Variants in AHCYL2 observed in about 807,000 individuals in gnomAD.
AHCYL2 encodes the protein adenosylhomocysteinase like 2, also known as S-adenosylhomocysteine hydrolase-like protein 2.
A neutral mutation model predicts 81.4 loss-of-function variants in AHCYL2; 28 were observed. The ratio of observed to expected loss-of-function variants is 0.34; its 90% CI spans 0.25 to 0.47. The LOEUF is 0.47. Among genes scored for constraint, AHCYL2 ranks in the 20% least tolerant of loss-of-function variants. The pLI, the probability that AHCYL2 is intolerant of heterozygous loss-of-function variation, is 1.00. For synonymous variants in AHCYL2, 272 were observed against 290.2 expected, an observed-to-expected ratio of 0.94 and a Z score of 0.64; for missense variants, 551 against 785.1, an observed-to-expected ratio of 0.70 and a Z score of 3.56.
chr7:129,286,311 C>T (rs772883368), intron 1 of AHCYL2, among the ~76,000 whole-genome samples: 5 of 151,928 alleles, frequency 3.3e-5, no homozygotes, highest in East Asian at 1.9e-4. Context: ...AGTGCAGTGG[C>T]GCAATCTCAG....
intron 1 of AHCYL2, among the ~76,000 whole-genome samples, chr7:129,299,367 T>C (rs1282356662): frequency 7.1e-5 from 7 of 98,060 alleles, no homozygotes; most frequent in Non-Finnish European, 1.4e-4. Flanking sequence ...AGAGTCCAAC[T>C]TGTTTTTTTT....
chr7:129,330,965 G>T (rs1415796661), intron 1 of AHCYL2, among the ~76,000 whole-genome samples: 2 of 151,958 alleles, frequency 1.3e-5, no homozygotes, highest in African/African-American at 2.4e-5. Context: ...GACTGAAAAG[G>T]TACTGTAAGA....
intron 1 of AHCYL2, among the ~76,000 whole-genome samples, chr7:129,297,964 G>A (rs1040160848): frequency 5.3e-5 from 8 of 152,196 alleles, no homozygotes; most frequent in Admixed American, 3.3e-4. Context: ...GGGAGGTTGA[G>A]GCTGCAGTGA....
chr7:129,335,783 A>G (rs1173186757), intron 1 of AHCYL2, among the ~76,000 whole-genome samples: 1 of 152,158 alleles, frequency 6.6e-6, no homozygotes, highest in East Asian at 1.9e-4. Flanking sequence ...CCCAAAGAAG[A>G]CCAGACAGAA....
intron 2 of AHCYL2, among the ~76,000 whole-genome samples, chr7:129,386,196 C>T (rs1386985202): frequency 6.6e-6 from 1 of 152,082 alleles, no homozygotes; most frequent in Non-Finnish European, 1.5e-5. Context: ...GGCATGGTGG[C>T]TCAAGCCTGT....
chr7:129,338,945 T>C (rs1419858419), intron 1 of AHCYL2, among the ~76,000 whole-genome samples: 1 of 152,218 alleles, frequency 6.6e-6, no homozygotes, highest in Admixed American at 6.5e-5. Flanking sequence ...CTTTCAAATT[T>C]CTGCACATCC....
At chr7:129,306,852 C>T (rs1415702235) in intron 1 of AHCYL2, among the ~76,000 whole-genome samples, 5 of 152,184 alleles carry the variant, frequency 3.3e-5, no homozygotes, top group South Asian at 2.1e-4. Flanking sequence ...CATACAGACT[C>T]GTAGAGGTAT....
chr7:129,267,230 GGTGTGTGT>G (rs769745702), intron 1 of AHCYL2, among the ~76,000 whole-genome samples: 3 of 59,158 alleles, frequency 5.1e-5, no homozygotes, highest in African/African-American at 4.3e-5. Flanking sequence ...TCACTCAAGG[GGTGTGTGT>G]GTGTGTGTGT....
chr7:129,258,164 C>T (rs1257287325), intron 1 of AHCYL2, among the ~76,000 whole-genome samples: 2 of 150,404 alleles, frequency 1.3e-5, no homozygotes, highest in Non-Finnish European at 2.9e-5. Flanking sequence ...TTTCTGGTAA[C>T]GAATTACCAT....
At chr7:129,404,105 C>T (rs1350502402) in intron 7 of AHCYL2, among the ~76,000 whole-genome samples, 1 of 151,640 alleles carries the variant, frequency 6.6e-6, no homozygotes, top group East Asian at 1.9e-4. Flanking sequence ...TTTTTGGACA[C>T]ATATATTCAT....
rs556193868 is a variant in AHCYL2, at chr7:129,293,206, C to A, written c.363+67767C>A. On this transcript the variant is annotated intron_variant, in intron 1 of 16. Transcript: ENST00000325006. The stretch of plus-strand genomic sequence containing the variant: ...TTGAGAAACTCATTTGTAATGGTTG[C>A]GGAAAAGGAATTTTTAAAAAAGGAA... 7.9e-5 allele frequency among the ~76,000 whole-genome samples: 12 copies of A among 151,456 alleles called. 1 individual carries two copies. In the South Asian group the frequency reaches 2.5e-3, roughly 32 times the overall value.
chr7:129,424,775 G>A, intron 13 of AHCYL2, 99 bp from the exon 14 acceptor site: 5 of 1,245,852 alleles, frequency 4.0e-6, no homozygotes, highest in Admixed American at 1.7e-5. Flanking sequence ...TGTTAGTCAG[G>A]AAGTGTTTGG....
intron 1 of AHCYL2, among the ~76,000 whole-genome samples, chr7:129,324,547 G>A (rs923047850): frequency 1.3e-5 from 2 of 152,038 alleles, no homozygotes; most frequent in Non-Finnish European, 2.9e-5. Context: ...ATGGAGTCTT[G>A]CTCTGTCACC....
chr7:129,355,638 G>C (rs1454721608), intron 1 of AHCYL2, among the ~76,000 whole-genome samples: 1 of 152,096 alleles, frequency 6.6e-6, no homozygotes, highest in Non-Finnish European at 1.5e-5. Flanking sequence ...ACAGACATTA[G>C]CTCATTCATC....
intron 1 of AHCYL2, among the ~76,000 whole-genome samples, chr7:129,274,269 C>T (rs1032922885): frequency 2.6e-5 from 4 of 152,132 alleles, no homozygotes; most frequent in African/African-American, 9.7e-5. Context: ...TAATTTGTTT[C>T]TTTAATTCAG....
intron 1 of AHCYL2, among the ~76,000 whole-genome samples, chr7:129,321,334 T>C (rs1009715476): frequency 6.6e-6 from 1 of 152,222 alleles, no homozygotes; most frequent in Non-Finnish European, 1.5e-5. Context: ...AAAAGCGTTC[T>C]GTTCTAGTCT....
At chr7:129,399,141 CAAAA>C (rs71162600) in intron 5 of AHCYL2, among the ~76,000 whole-genome samples, 98 of 44,946 alleles carry the variant, frequency 2.2e-3, no homozygotes, top group African/African-American at 9.8e-3. Flanking sequence ...GACTCCATCT[CAAAA>C]AAAAAAAAAA....
At chr7:129,363,289 G>A (rs1399256355) in intron 1 of AHCYL2, among the ~76,000 whole-genome samples, 4 of 152,098 alleles carry the variant, frequency 2.6e-5, no homozygotes, top group African/African-American at 9.7e-5. Context: ...TGGTAAAGTG[G>A]AATTATATTG....
intron 1 of AHCYL2, among the ~76,000 whole-genome samples, chr7:129,229,832 C>G (rs1048610243): frequency 6.6e-6 from 1 of 152,192 alleles, no homozygotes; most frequent in Non-Finnish European, 1.5e-5. Context: ...GATGCAGCTT[C>G]ACACTGGTAA....
Sources: allele counts gnomAD v4.1 joint callset (sites outside exome capture counted in the v4.1 genomes callset), GRCh38; gene constraint gnomAD v4.1.1; transcripts MANE v1.5; gene names NCBI Gene and HGNC (gene_info 2026-07-23, HGNC 2026-07-21).